ZNF407: variants seen among roughly 807,000 people sequenced by gnomAD.
ZNF407 encodes the protein zinc finger protein 407.
ZNF407 carries 17 observed loss-of-function variants against 131.2 expected under a neutral mutation model. That is an observed-to-expected ratio of 0.13 (90% CI 0.09 to 0.19). The LOEUF (loss-of-function observed/expected upper bound fraction) is 0.19, where lower values mean the gene tolerates loss of function less well. Ranked by LOEUF, ZNF407 falls within the 10% of genes least tolerant of loss-of-function variation. ZNF407 has a pLI of 1.00. For missense variants in ZNF407, 2,681 were observed against 2,830.6 expected (o/e 0.95, Z 1.20); for synonymous variants, 1,156 against 1,062.0 (o/e 1.09, Z -1.72).
intron 4 of ZNF407, among the ~76,000 whole-genome samples, chr18:74,794,911 T>A (rs1217026517): frequency 1.3e-5 from 2 of 152,144 alleles, no homozygotes; most frequent in Non-Finnish European, 2.9e-5. Context: ...CCTCCCCTTT[T>A]AGGATGTTTT....
chr18:74,842,755 G>A (rs1339122959), intron 4 of ZNF407, among the ~76,000 whole-genome samples: 1 of 151,994 alleles, frequency 6.6e-6, no homozygotes, highest in Admixed American at 6.6e-5. Flanking sequence ...ACAGAATATC[G>A]CTCTGTTGCC....
At chr18:75,030,842 C>T (rs982583319) in intron 8 of ZNF407, among the ~76,000 whole-genome samples, 1 of 152,214 alleles carries the variant, frequency 6.6e-6, no homozygotes, top group African/African-American at 2.4e-5. Flanking sequence ...CCACCCTCTC[C>T]ATTCTCTACC....
At chr18:74,916,629 AGT>A (rs111309427) in intron 7 of ZNF407, among the ~76,000 whole-genome samples, 5,500 of 59,286 alleles carry the variant, frequency 0.093, 400 homozygotes, top group Middle Eastern at 0.22. Context: ...TCGAATCGGG[AGT>A]GTGTGTGTGT....
chr18:74,883,035 G>A (rs911156148), intron 6 of ZNF407, among the ~76,000 whole-genome samples: 7 of 152,184 alleles, frequency 4.6e-5, no homozygotes, highest in South Asian at 2.1e-4. Flanking sequence ...CTGTGATCAC[G>A]GGCATCCCAG....
At chr18:74,779,879 G>T in intron 3 of ZNF407, among the ~76,000 whole-genome samples, 1 of 151,890 alleles carries the variant, frequency 6.6e-6, no homozygotes, top group African/African-American at 2.4e-5. Flanking sequence ...TTTGCTATTA[G>T]CTTTATGTTT....
intron 3 of ZNF407, among the ~76,000 whole-genome samples, chr18:74,645,637 TTGTGTGTGTGTGTGTGTG>T (rs35047949): frequency 4.8e-5 from 7 of 145,198 alleles, no homozygotes; most frequent in Non-Finnish European, 1.5e-5. Context: ...GTAAAACTCT[TTGTGTGTGTGTGTGTGTG>T]TGTGTGTGTG....
intron 7 of ZNF407, among the ~76,000 whole-genome samples, chr18:74,906,147 T>A (rs1012379877): frequency 1.3e-5 from 2 of 152,168 alleles, no homozygotes; most frequent in Admixed American, 1.3e-4. Context: ...GCATTCCTGG[T>A]TTTTGTCCTG....
intron 8 of ZNF407, among the ~76,000 whole-genome samples, chr18:74,929,890 A>T (rs369492580): frequency 9.2e-5 from 14 of 152,384 alleles, no homozygotes; most frequent in African/African-American, 2.6e-4. Context: ...TTTTTATCTT[A>T]AATGATTTTA....
chr18:74,812,100 A>G (rs1454211137), intron 4 of ZNF407, among the ~76,000 whole-genome samples: 1 of 152,152 alleles, frequency 6.6e-6, no homozygotes, highest in Non-Finnish European at 1.5e-5. Flanking sequence ...TTGTTTTAGG[A>G]AGCCTTTATC....
At chr18:74,838,989 C>T (rs144645267) in intron 4 of ZNF407, among the ~76,000 whole-genome samples, 240 of 151,956 alleles carry the variant, frequency 1.6e-3, no homozygotes, top group Middle Eastern at 0.014. Flanking sequence ...ATTGAGTAGA[C>T]TGTCTGCAAA....
At chr18:74,816,701 A>G (rs1051896147) in intron 4 of ZNF407, among the ~76,000 whole-genome samples, 1 of 152,218 alleles carries the variant, frequency 6.6e-6, no homozygotes, top group Non-Finnish European at 1.5e-5. Flanking sequence ...TACACAAAGT[A>G]TTATTCTAAT....
At chr18:74,788,193 C>T (rs545328296) in intron 4 of ZNF407, among the ~76,000 whole-genome samples, 27 of 152,106 alleles carry the variant, frequency 1.8e-4, no homozygotes, top group East Asian at 1.5e-3. Flanking sequence ...ATTTTATGTC[C>T]GCAATATATT....
At chr18:74,782,388 C>T (rs1365301728) in intron 4 of ZNF407, among the ~76,000 whole-genome samples, 1 of 152,050 alleles carries the variant, frequency 6.6e-6, no homozygotes, top group Admixed American at 6.6e-5. Flanking sequence ...ATGCTCTTAG[C>T]AGTATTTTCT....
At chr18:74,813,237 G>A (rs1328767765) in intron 4 of ZNF407, among the ~76,000 whole-genome samples, 1 of 152,140 alleles carries the variant, frequency 6.6e-6, no homozygotes, top group Non-Finnish European at 1.5e-5. Flanking sequence ...GACATCCTGT[G>A]TTTTTGATTG....
chr18:74,963,784 T>C (rs1343629621), intron 8 of ZNF407, among the ~76,000 whole-genome samples: 1 of 152,272 alleles, frequency 6.6e-6, no homozygotes, highest in Non-Finnish European at 1.5e-5. Context: ...TTCCATTTTG[T>C]TATACTTTGC....
chr18:74,881,353 A>G (rs1379109919), intron 6 of ZNF407, among the ~76,000 whole-genome samples: 1 of 152,204 alleles, frequency 6.6e-6, no homozygotes, highest in East Asian at 1.9e-4. Context: ...CAGTAAATTC[A>G]TGTTAAGTAG....
In ZNF407 at chr18:75,063,380, G is replaced by C. The variant is rs759271071; in HGVS notation, c.5659G>C (p.Ala1887Pro). 6.2e-7 allele frequency: 1 copy of C among 1,610,886 alleles called. No homozygotes were observed. The highest frequency in any genetic ancestry group is 8.5e-7 in the Non-Finnish European group (1 of 1,179,000). ...GGACCCCTCGGTGGAGGAGACGGCCGCCGCCACGCTGCAGACGCTGGCCAT... is the reference window on the plus strand; with the variant it reads ...GGACCCCTCGGTGGAGGAGACGGCCCCCGCCACGCTGCAGACGCTGGCCAT... The part of the protein sequence containing the change: ...ALDPSVEETA[A>P]ATLQTLAMAG... The change falls in exon 9 of 9, where the codon GCC becomes CCC. Residue 1887 changes from alanine to proline, a missense_variant. Physicochemically the swap from Ala to Pro is conservative, Grantham distance 27. Transcript: ENST00000299687. This position sits in a 1 kb window ranked among gnomAD's most constrained non-coding sequence, Gnocchi z 6.6.
intron 3 of ZNF407, among the ~76,000 whole-genome samples, chr18:74,646,493 A>G (rs1337978971): frequency 2.6e-5 from 4 of 152,154 alleles, no homozygotes; most frequent in Non-Finnish European, 5.9e-5. Context: ...ATATTTTAAT[A>G]TTTTTTGTTG....
At position 74,630,921 on chromosome 18, in the gene ZNF407, G is replaced by A. The variant is rs1350000979; in HGVS notation, c.-53-46G>A. ...TTCATCTAGTTTTAGACTAATACGTGTGTCTTTATATTCAAGATTTAATAC... is the reference window on the plus strand; with the variant it reads ...TTCATCTAGTTTTAGACTAATACGTATGTCTTTATATTCAAGATTTAATAC... On this transcript the variant is annotated intron_variant, in intron 1 of 8. Transcript: ENST00000299687. 4 of 1,378,712 alleles carry A rather than the reference G, an allele frequency of 2.9e-6. No homozygotes were observed. In the African/African-American group the frequency reaches 4.4e-5, roughly 15 times the overall value. The allele number at this position is 1,378,712 out of a possible 1,614,324, so 85.4% of individuals were successfully genotyped here.
Sources: gnomAD v4.1 joint callset for allele counts (sites outside exome capture counted in the v4.1 genomes callset) on GRCh38, gnomAD v4.1.1 for gene constraint, Gnocchi (gnomAD v3.1) non-coding constraint, MANE v1.5 for transcripts, NCBI Gene and HGNC (gene_info 2026-07-23, HGNC 2026-07-21) for gene names.